Variants in CCDC3 observed in about 807,000 individuals in gnomAD.
The protein encoded by CCDC3 is coiled-coil domain-containing protein 3.
A neutral mutation model predicts 21.4 loss-of-function variants in CCDC3; 24 were observed. The observed-to-expected ratio is 1.12, with a 90% CI of 0.81 to 1.58. CCDC3 has a LOEUF of 1.58. Among genes scored for constraint, CCDC3 ranks in the 40% most tolerant of loss-of-function variants. The pLI is 0.00. For synonymous variants in CCDC3, 186 were observed against 166.0 expected (o/e 1.12, Z -0.93); for missense variants, 425 against 360.9 (o/e 1.18, Z -1.44).
Position 12,897,548 on chromosome 10 carries a change from C to T in CCDC3, c.*868G>A, listed in dbSNP as rs1019145551. Reference sequence around the variant, plus strand: ...GTAAGGAGGTGTCTTTGCAGAAGTTCACAGCGTCTTGGAGCACCTCACTTT... The same window carrying T: ...GTAAGGAGGTGTCTTTGCAGAAGTTTACAGCGTCTTGGAGCACCTCACTTT... On this transcript the variant is annotated 3_prime_UTR_variant, in exon 3 of 3. Transcript: ENST00000378825. 6.6e-6 allele frequency: 1 copy of T among 152,146 alleles called. No homozygotes were observed. The highest frequency in any genetic ancestry group is 2.4e-5 in the African/African-American group (1 of 41,414). The allele number at this position is 152,146 out of a possible 1,614,324, so 9.4% of individuals were successfully genotyped here. A position where few individuals can be genotyped will look rare whatever the true frequency, so the allele number is the denominator to read the frequency against.
chr10:12,974,204 G>C (rs953006023), intron 2 of CCDC3, among the ~76,000 whole-genome samples: 1 of 152,212 alleles, frequency 6.6e-6, no homozygotes, highest in African/African-American at 2.4e-5. Flanking sequence ...TGCCGGGTAC[G>C]GCGAGAAAAA....
At chr10:12,978,550 C>CAGAG (rs10578839) in intron 2 of CCDC3, among the ~76,000 whole-genome samples, 11 of 149,478 alleles carry the variant, frequency 7.4e-5, no homozygotes, top group East Asian at 6.0e-4. Context: ...AGAATGGAAC[C>CAGAG]AGAGAGAGAG....
At chr10:12,972,179 T>C (rs1273931603) in intron 2 of CCDC3, among the ~76,000 whole-genome samples, 2 of 152,046 alleles carry the variant, frequency 1.3e-5, no homozygotes, top group Admixed American at 6.6e-5. Context: ...CACCCACACA[T>C]GCCCTTAAAC....
intron 2 of CCDC3, among the ~76,000 whole-genome samples, chr10:12,927,992 A>G (rs1247904671): frequency 6.6e-6 from 1 of 152,242 alleles, no homozygotes; most frequent in Admixed American, 6.5e-5. Flanking sequence ...TTAAGTAATT[A>G]TCTAATTTTC....
chr10:13,033,010 C>G (rs143013134), intron 5 of CCDC3, among the ~76,000 whole-genome samples: 2 of 152,060 alleles, frequency 1.3e-5, no homozygotes, highest in Non-Finnish European at 2.9e-5. Flanking sequence ...TCATATGGAA[C>G]CAAAAAAGAG....
intron 2 of CCDC3, among the ~76,000 whole-genome samples, chr10:12,921,867 C>T (rs771775350): frequency 5.3e-5 from 8 of 152,244 alleles, no homozygotes; most frequent in Admixed American, 3.3e-4. Flanking sequence ...CTCAGCCTTC[C>T]GAGTAGATAG....
chr10:13,056,160 A>G (rs1836677850), intron 4 of CCDC3, among the ~76,000 whole-genome samples: 1 of 152,212 alleles, frequency 6.6e-6, no homozygotes, highest in Non-Finnish European at 1.5e-5. Context: ...ATCCAAGTCA[A>G]TGCAGGGACT....
At chr10:13,034,856 C>T (rs190225400) in intron 5 of CCDC3, among the ~76,000 whole-genome samples, 2,088 of 152,124 alleles carry the variant, frequency 0.014, 55 homozygotes, top group African/African-American at 0.048. Flanking sequence ...AAAAACCCAT[C>T]TTTACTAAAA....
At chr10:12,945,221 A>C (rs1834896795) in intron 2 of CCDC3, among the ~76,000 whole-genome samples, 2 of 152,248 alleles carry the variant, frequency 1.3e-5, no homozygotes, top group African/African-American at 4.8e-5. Context: ...ACTGGAAATT[A>C]AGATGATTTA....
intron 2 of CCDC3, among the ~76,000 whole-genome samples, chr10:12,922,683 G>A (rs1160328352): frequency 1.3e-5 from 2 of 151,986 alleles, no homozygotes; most frequent in Non-Finnish European, 2.9e-5. Context: ...CGCGCCGCAG[G>A]AACCCAGGAT....
chr10:13,010,706 C>G (rs80076565), intron 5 of CCDC3, among the ~76,000 whole-genome samples: 1,738 of 152,252 alleles, frequency 0.011, 68 homozygotes, highest in East Asian at 0.047. Flanking sequence ...AGAAACAACC[C>G]AAGTGTCCAT....
chr10:12,992,075 A>G (rs578191472), intron 2 of CCDC3, among the ~76,000 whole-genome samples: 2 of 151,946 alleles, frequency 1.3e-5, no homozygotes, highest in East Asian at 3.9e-4. Flanking sequence ...ATTAAAAAAA[A>G]AAAAAGAAAG....
chr10:13,099,044 TA>T (rs67232903), intron 2 of CCDC3: 29,922 of 152,052 alleles, frequency 0.2, 3,348 homozygotes, highest in Non-Finnish European at 0.25. Flanking sequence ...AGAATTTTTT[TA>T]AATTCTCTAT....
intron 5 of CCDC3, among the ~76,000 whole-genome samples, chr10:13,019,189 G>A (rs928831199): frequency 3.3e-5 from 5 of 152,154 alleles, no homozygotes; most frequent in South Asian, 2.1e-4. Flanking sequence ...AGCCTTGATC[G>A]TGCCACTGCA....
intron 5 of CCDC3, among the ~76,000 whole-genome samples, chr10:13,007,031 C>G (rs1359711623): frequency 1.3e-5 from 2 of 152,134 alleles, no homozygotes; most frequent in Admixed American, 6.5e-5. Flanking sequence ...AGGTACTTAC[C>G]TTCCCTTTGG....
intron 2 of CCDC3, among the ~76,000 whole-genome samples, chr10:12,992,511 G>A (rs542314232): frequency 7.9e-5 from 12 of 152,182 alleles, no homozygotes; most frequent in East Asian, 5.8e-4. Flanking sequence ...GCAGAGATCC[G>A]GATGGAACTG....
intron 3 of CCDC3, among the ~76,000 whole-genome samples, chr10:13,088,403 C>T (rs1837138423): frequency 6.6e-6 from 1 of 152,158 alleles, no homozygotes; most frequent in Admixed American, 6.5e-5. Context: ...TGTTGATAAA[C>T]ACAAGAAAGG....
Position 12,956,384 on chromosome 10 carries a change from G to C in CCDC3, c.549+41954C>G, listed in dbSNP as rs116660067. 3.7e-3 allele frequency among the ~76,000 whole-genome samples: 565 copies of C among 152,224 alleles called. 4 individuals are homozygous for C. The highest frequency in any genetic ancestry group is 0.013 in the African/African-American group (531 of 41,528). ...AGATGAAGGTCAGGGTCCTCTTTCT[G>C]TCATGGCTGCCGTGTCCCTGTCAGC... is the stretch of plus-strand genomic sequence containing the variant. On this transcript the variant is annotated intron_variant, in intron 2 of 2. Coordinates refer to ENST00000378825, the MANE Select transcript of CCDC3 (RefSeq NM_031455.4).
intron 2 of CCDC3, among the ~76,000 whole-genome samples, chr10:12,914,215 C>G (rs1192726580): frequency 6.6e-6 from 1 of 152,128 alleles, no homozygotes; most frequent in Non-Finnish European, 1.5e-5. Context: ...CTGTGATTTT[C>G]TTTGATGATA....
Sources: gnomAD v4.1 joint callset for allele counts (sites outside exome capture counted in the v4.1 genomes callset) on GRCh38, gnomAD v4.1.1 for gene constraint, MANE v1.5 for transcripts, NCBI Gene and HGNC (gene_info 2026-07-23, HGNC 2026-07-21) for gene names.